Variants in DCBLD2 observed in about 807,000 individuals in gnomAD.
DCBLD2 encodes the protein discoidin, CUB and LCCL domain-containing protein 2.
DCBLD2 carries 54 observed loss-of-function variants against 86.8 expected under a neutral mutation model. The ratio of observed to expected loss-of-function variants is 0.62; its 90% CI spans 0.50 to 0.78. DCBLD2 has a LOEUF of 0.78. DCBLD2 is among the 30% of genes least tolerant of loss of function. DCBLD2 has a pLI of 0.00. For missense variants in DCBLD2, 908 were observed against 954.2 expected (o/e 0.95, Z 0.64); for synonymous variants, 354 against 341.3 (o/e 1.04, Z -0.41).
intron 3 of DCBLD2, among the ~76,000 whole-genome samples, chr3:98,832,280 T>C (rs1942337355): frequency 6.6e-6 from 1 of 152,230 alleles, no homozygotes; most frequent in Admixed American, 6.5e-5. Flanking sequence ...CTGATTTCCA[T>C]TTGCTTGTTA....
chr3:98,814,109 A>G (rs984960616), intron 9 of DCBLD2: 2 of 152,180 alleles, frequency 1.3e-5, no homozygotes, highest in Non-Finnish European at 2.9e-5. Flanking sequence ...CAATCAAGCT[A>G]TTTCCAAGTA....
chr3:98,803,323 G>A lies in DCBLD2; in HGVS notation c.1671-1674C>T, dbSNP rs551883152. On this transcript the variant is annotated intron_variant, in intron 13 of 15. Transcript: ENST00000326840. ...CTCTTTGAAGCAATTGTGAATGGGAGTTCACTCATGATTTGGCTCTCTGTC... is the reference window on the plus strand; with the variant it reads ...CTCTTTGAAGCAATTGTGAATGGGAATTCACTCATGATTTGGCTCTCTGTC... Among the ~76,000 whole-genome samples, 191 of 152,260 alleles carry A rather than the reference G, an allele frequency of 1.3e-3. 1 individual carries two copies. The East Asian group carries it at 0.016, about 13-fold the overall frequency.
chr3:98,877,379 G>A (rs766005060), intron 2 of DCBLD2, among the ~76,000 whole-genome samples: 7 of 152,090 alleles, frequency 4.6e-5, no homozygotes, highest in Non-Finnish European at 7.4e-5. Context: ...TTCGAGTCAT[G>A]GGTTAGCAAT....
At position 98,879,213 on chromosome 3, in the gene DCBLD2, T is replaced by C. The variant is rs528543261; in HGVS notation, c.433+2327A>G. On this transcript the variant is annotated intron_variant, in intron 2 of 15. Transcript: ENST00000326840. ...ATTACTCAGCTTCACTAATGTGCCC[T>C]TGTTTCTCCTATCCTTCTCCCTATT... 7.9e-4 allele frequency among the ~76,000 whole-genome samples: 120 copies of C among 152,320 alleles called. 1 individual carries two copies. The highest frequency in any genetic ancestry group is 7.8e-3 in the Admixed American group (119 of 15,300).
At chr3:98,830,160 C>T (rs979756567) in intron 3 of DCBLD2, among the ~76,000 whole-genome samples, 3 of 152,168 alleles carry the variant, frequency 2.0e-5, no homozygotes, top group Admixed American at 6.5e-5. Context: ...CCACACTTTG[C>T]AAATATTTTC....
At chr3:98,813,399 G>A (rs560708295) in intron 9 of DCBLD2, 5 of 152,422 alleles carry the variant, frequency 3.3e-5, no homozygotes, top group African/African-American at 1.2e-4. Flanking sequence ...TGGGATTACA[G>A]GTGTGCACCA....
At chr3:98,854,309 G>C (rs1942892781) in intron 2 of DCBLD2, among the ~76,000 whole-genome samples, 1 of 152,166 alleles carries the variant, frequency 6.6e-6, no homozygotes, top group Non-Finnish European at 1.5e-5. Flanking sequence ...ATTGTCTTAT[G>C]CTTGGTGGGC....
chr3:98,867,689 A>G (rs981754108), intron 2 of DCBLD2, among the ~76,000 whole-genome samples: 2 of 152,244 alleles, frequency 1.3e-5, no homozygotes, highest in African/African-American at 4.8e-5. Flanking sequence ...CAAATACCTT[A>G]TAATGGCAGG....
Position 98,899,116 on chromosome 3 carries a change from A to G in DCBLD2, c.205+2006T>C, listed in dbSNP as rs369128198. Among the ~76,000 whole-genome samples the G allele has an allele frequency of 4.5e-4, 68 of 152,002 alleles. 2 individuals are homozygous for G. The South Asian group carries it at 0.014, about 31-fold the overall frequency. On this transcript the variant is annotated intron_variant, in intron 1 of 15. Coordinates refer to ENST00000326840, the MANE Select transcript of DCBLD2 (RefSeq NM_080927.4). Reference sequence around the variant, plus strand: ...AAAAAGTCTTTTAATTATCAGAATCATTTCTATTTATGTTGATGTTTACAT... The same window carrying G: ...AAAAAGTCTTTTAATTATCAGAATCGTTTCTATTTATGTTGATGTTTACAT...
intron 3 of DCBLD2, among the ~76,000 whole-genome samples, chr3:98,841,230 T>C (rs6791389): frequency 0.31 from 46,869 of 152,038 alleles, 8,635 homozygotes; most frequent in East Asian, 0.68. Context: ...AATACAAATG[T>C]GAAGGCAAGC....
intron 9 of DCBLD2, among the ~76,000 whole-genome samples, chr3:98,816,442 AATGAAT>A (rs1328545382): frequency 6.6e-6 from 1 of 152,204 alleles, no homozygotes; most frequent in Non-Finnish European, 1.5e-5. Context: ...ATGTGATACA[AATGAAT>A]ATGGATGTGG....
Position 98,798,422 on chromosome 3 carries a change from T to C in DCBLD2, c.*950A>G, listed in dbSNP as rs1211527111. ...TTACTTCTGAGTGAATAATTTTGCCTTTCACTGTGATAAATATAAGTGGGT... is the reference window on the plus strand; with the variant it reads ...TTACTTCTGAGTGAATAATTTTGCCCTTCACTGTGATAAATATAAGTGGGT... On this transcript the variant is annotated 3_prime_UTR_variant, in exon 16 of 16. Transcript: ENST00000326840. The C allele has an allele frequency of 6.6e-6, 1 of 152,242 alleles. No homozygotes were observed. Among genetic ancestry groups the C allele is most frequent in the Non-Finnish European group, 1.5e-5 (1 of 68,044 alleles). The allele number at this position is 152,242 out of a possible 1,614,324, so 9.4% of individuals were successfully genotyped here. A position where few individuals can be genotyped will look rare whatever the true frequency, so the allele number is the denominator to read the frequency against.
At chr3:98,884,780 T>A (rs771364828) in intron 1 of DCBLD2, among the ~76,000 whole-genome samples, 18 of 152,182 alleles carry the variant, frequency 1.2e-4, no homozygotes, top group Non-Finnish European at 2.4e-4. Flanking sequence ...ATTGAAAGTG[T>A]AGATGAATTT....
chr3:98,839,188 C>T (rs1162685751), intron 3 of DCBLD2, among the ~76,000 whole-genome samples: 2 of 138,424 alleles, frequency 1.4e-5, no homozygotes, highest in African/African-American at 5.5e-5. Flanking sequence ...TTCTTCCTTC[C>T]TTCCTTCCTT....
chr3:98,824,489 C>T (rs1274393881), intron 4 of DCBLD2, among the ~76,000 whole-genome samples: 4 of 151,998 alleles, frequency 2.6e-5, no homozygotes, highest in African/African-American at 9.7e-5. Context: ...GGCACCCTTC[C>T]CACACAGAAC....
At chr3:98,806,957 C>T (rs2107428331) in intron 13 of DCBLD2, among the ~76,000 whole-genome samples, 1 of 152,280 alleles carries the variant, frequency 6.6e-6, no homozygotes, top group Non-Finnish European at 1.5e-5. Flanking sequence ...GGTTTCCTAA[C>T]TCATCTTGCT....
In DCBLD2 at chr3:98,870,793, GAAA is replaced by G. The variant is rs1559794622; in HGVS notation, c.433+10744_433+10746del. On this transcript the variant is annotated intron_variant, in intron 2 of 15. Transcript: ENST00000326840. Reference sequence around the variant, plus strand: ...AGAAAGAAAGAAAGAAAGAAAGAAAGAAAGAAAGAAAGAAAGAAAGGTAGGCAG... The same window carrying G: ...AGAAAGAAAGAAAGAAAGAAAGAAAGGAAAGAAAGAAAGAAAGGTAGGCAG... Among the ~76,000 whole-genome samples the G allele has an allele frequency of 3.9e-3, 586 of 151,060 alleles. 11 individuals carry two copies. Among genetic ancestry groups the G allele is most frequent in the African/African-American group, 0.012 (484 of 41,166 alleles).
intron 2 of DCBLD2, among the ~76,000 whole-genome samples, chr3:98,877,759 G>C (rs1943395893): frequency 6.6e-6 from 1 of 152,118 alleles, no homozygotes; most frequent in Non-Finnish European, 1.5e-5. Flanking sequence ...GCTGATTCCA[G>C]GGCTGGAGCA....
At position 98,901,110 on chromosome 3, in the gene DCBLD2, G is replaced by A. The variant is rs1328210945; in HGVS notation, c.205+12C>T. 5.2e-6 allele frequency: 8 copies of A among 1,539,300 alleles called. No individual in the cohort carries two copies. In the South Asian group the frequency reaches 7.1e-5, roughly 14 times the overall value. On this transcript the variant is annotated intron_variant, in intron 1 of 15. Coordinates refer to ENST00000326840, the MANE Select transcript of DCBLD2 (RefSeq NM_080927.4). Reference sequence around the variant, plus strand: ...AGGTTCCCCCGCCGCTCACTCCCCTGGGACCACTCACCTTGCTGGGCTCCA... The same window carrying A: ...AGGTTCCCCCGCCGCTCACTCCCCTAGGACCACTCACCTTGCTGGGCTCCA...
Sources: allele counts gnomAD v4.1 joint callset (sites outside exome capture counted in the v4.1 genomes callset), GRCh38; gene constraint gnomAD v4.1.1; transcripts MANE v1.5; gene names NCBI Gene and HGNC (gene_info 2026-07-23, HGNC 2026-07-21).